The following IPPK variants were observed in gnomAD, a reference collection of about 807,000 sequenced individuals.
The protein encoded by IPPK is IPK1 homolog.
Under a neutral mutation model 64.6 loss-of-function variants are expected in IPPK, and 22 were observed. The observed-to-expected ratio is 0.34, with a 90% CI of 0.24 to 0.49. The LOEUF is 0.49. Among genes scored for constraint, IPPK ranks in the 20% least tolerant of loss-of-function variants. The pLI is 0.99. For synonymous variants in IPPK, 262 were observed against 247.2 expected (o/e 1.06, Z -0.56); for missense variants, 532 against 630.7 (o/e 0.84, Z 1.68).
chr9:92,654,734 T>C (rs1852337040), intron 3 of IPPK, among the ~76,000 whole-genome samples: 1 of 152,126 alleles, frequency 6.6e-6, no homozygotes, highest in South Asian at 2.1e-4. Context: ...GGAGCTGAGA[T>C]GTGGGAGGAC....
At chr9:92,669,881 G>C in intron 1 of IPPK, 27 bp downstream of exon 1, 1 of 1,578,094 alleles carries the variant, frequency 6.3e-7, no homozygotes, top group East Asian at 2.3e-5. Flanking sequence ...TGAGGTACCG[G>C]ACCTGCGCCG....
intron 6 of IPPK, among the ~76,000 whole-genome samples, chr9:92,646,185 T>C (rs1270632885): frequency 6.6e-6 from 1 of 152,196 alleles, no homozygotes; most frequent in Non-Finnish European, 1.5e-5. Context: ...AACTAGACTG[T>C]TCAGGTTATT....
chr9:92,630,448 C>A (rs1851817532), intron 11 of IPPK, among the ~76,000 whole-genome samples: 1 of 152,150 alleles, frequency 6.6e-6, no homozygotes, highest in South Asian at 2.1e-4. Flanking sequence ...AATCTAAAAT[C>A]AACTGTGCTG....
intron 8 of IPPK, among the ~76,000 whole-genome samples, chr9:92,638,596 C>G (rs1851989377): frequency 6.6e-6 from 1 of 152,238 alleles, no homozygotes; most frequent in Non-Finnish European, 1.5e-5. Context: ...CAAATGCTCA[C>G]CACAAGTGAC....
chr9:92,634,051 A>AG (rs1455245584), intron 11 of IPPK, among the ~76,000 whole-genome samples: 1 of 152,218 alleles, frequency 6.6e-6, no homozygotes, highest in African/African-American at 2.4e-5. Context: ...GACCCTGGCA[A>AG]GGGCCTTGTA....
chr9:92,640,409 G>C (rs1852024087), intron 8 of IPPK, among the ~76,000 whole-genome samples: 1 of 149,908 alleles, frequency 6.7e-6, no homozygotes, highest in African/African-American at 2.5e-5. Flanking sequence ...CTGCTTATAA[G>C]GGGAGACCAA....
chr9:92,642,694 G>C, intron 7 of IPPK, 58 bp downstream of exon 7: 11 of 1,415,408 alleles, frequency 7.8e-6, no homozygotes, highest in East Asian at 2.3e-5. Context: ...ACTGGCCCCC[G>C]CCCTACCCAT....
At chr9:92,620,849 G>A (rs953578782) in intron 11 of IPPK, among the ~76,000 whole-genome samples, 4 of 152,158 alleles carry the variant, frequency 2.6e-5, no homozygotes, top group Non-Finnish European at 5.9e-5. Flanking sequence ...TTGATTCTTA[G>A]GAAACTAAAC....
intron 4 of IPPK, among the ~76,000 whole-genome samples, chr9:92,650,284 C>T (rs1203020075): frequency 1.3e-5 from 2 of 151,744 alleles, no homozygotes; most frequent in African/African-American, 2.4e-5. Context: ...CCAGATTGTG[C>T]GCCACTGCAC....
At position 92,658,661 on chromosome 9, in the gene IPPK, A is replaced by C. The variant is rs1852422054; in HGVS notation, c.102T>G (p.Phe34Leu). The C allele has an allele frequency of 6.2e-7, 1 of 1,614,008 alleles. No individual in the cohort carries two copies. Among genetic ancestry groups the C allele is most frequent in the Non-Finnish European group, 8.5e-7 (1 of 1,179,978 alleles). ...TCTTCCTATTTGGAGGAAACTTCAG[A>C]AACCGCAGCACGACGCAGCGCTGTT... The part of the protein sequence containing the change: ...AHAQRCVVLR[F>L]LKFPPNRKKT... Residue 34 changes from phenylalanine to leucine, a missense_variant, in exon 2 of 13, where the codon TTT becomes TTG. Transcript: ENST00000287996.
At chr9:92,668,007 C>T (rs1162949963) in intron 1 of IPPK, among the ~76,000 whole-genome samples, 1 of 152,158 alleles carries the variant, frequency 6.6e-6, no homozygotes, top group African/African-American at 2.4e-5. Context: ...TGGTGGCTCA[C>T]GCCTGTAATC....
intron 2 of IPPK, 86 bp downstream of exon 2, chr9:92,658,548 A>G: frequency 9.2e-7 from 1 of 1,085,022 alleles, no homozygotes; most frequent in Non-Finnish European, 1.4e-6. Flanking sequence ...TGCTACAACT[A>G]GCATCAATGT....
intron 1 of IPPK, among the ~76,000 whole-genome samples, chr9:92,667,668 C>T (rs549985006): frequency 2.4e-4 from 36 of 152,274 alleles, no homozygotes; most frequent in African/African-American, 8.4e-4. Context: ...CCTGTAATCC[C>T]AGCACTCTGG....
At chr9:92,667,860 G>A (rs77451498) in intron 1 of IPPK, among the ~76,000 whole-genome samples, 1,710 of 151,956 alleles carry the variant, frequency 0.011, 25 homozygotes, top group African/African-American at 0.038. Flanking sequence ...CCAAGATTGC[G>A]CCACTGCAGT....
intron 1 of IPPK, among the ~76,000 whole-genome samples, chr9:92,666,956 C>T (rs144178681): frequency 2.0e-5 from 3 of 152,310 alleles, no homozygotes; most frequent in East Asian, 1.9e-4. Context: ...GCAGGAAGAA[C>T]ATCACTGTGC....
chr9:92,623,556 A>G (rs191995820), intron 11 of IPPK, among the ~76,000 whole-genome samples: 3 of 152,360 alleles, frequency 2.0e-5, no homozygotes, highest in African/African-American at 4.8e-5. Context: ...CTTCAAATCA[A>G]TAAGAAAAAG....
chr9:92,615,889 C>T lies in IPPK; in HGVS notation c.1419G>A (p.Val473=), dbSNP rs962398166. 14 of 1,614,084 alleles carry T rather than the reference C, an allele frequency of 8.7e-6. No individual in the cohort carries two copies. Among genetic ancestry groups the T allele is most frequent in the Non-Finnish European group, 1.2e-5 (14 of 1,180,048 alleles). Residue 473 remains valine, a synonymous_variant, in exon 13 of 13, where the codon GTG becomes GTA. Transcript: ENST00000287996. ...CGCTTTCCTTGAACCGAGTCGACAT[C>T]ACGGCGTTGTCTTTGGCACGTACAG... ...SKTVRAKDNA[V]MSTRFKESED... is the part of the protein sequence containing the mutation.
At chr9:92,654,797 G>A (rs569939454) in intron 3 of IPPK, among the ~76,000 whole-genome samples, 3 of 152,138 alleles carry the variant, frequency 2.0e-5, no homozygotes, top group Admixed American at 6.5e-5. Flanking sequence ...GAAGGACAAA[G>A]AGCCGCCAGC....
At position 92,669,916 on chromosome 9, in the gene IPPK, G is replaced by C; in HGVS notation, c.73C>G (p.His25Asp). The C allele has an allele frequency of 6.2e-7, 1 of 1,611,446 alleles. No homozygotes were observed. Among genetic ancestry groups the C allele is most frequent in the South Asian group, 1.1e-5 (1 of 90,902 alleles). The change falls in exon 1 of 13, where the codon CAC (histidine) becomes GAC (aspartate). Residue 25 changes from histidine to aspartate, a missense_variant. His to Asp is a moderately conservative substitution (Grantham distance 81, BLOSUM62 -1). Coordinates refer to ENST00000287996, the MANE Select transcript of IPPK (RefSeq NM_022755.6). ...GCACGTCCACCGCTCACCTGCGCGT[G>C]GGCCACCACCAGGCTCTTATTGCCC... is the stretch of plus-strand genomic sequence containing the variant. ...GEGNKSLVVA[H>D]AQRCVVLRFL...
Sources: gnomAD v4.1 joint callset for allele counts (sites outside exome capture counted in the v4.1 genomes callset) on GRCh38, gnomAD v4.1.1 for gene constraint, MANE v1.5 for transcripts, NCBI Gene and HGNC (gene_info 2026-07-23, HGNC 2026-07-21) for gene names.